The following CLRN1 variants were observed in gnomAD, a reference collection of about 807,000 sequenced individuals.
CLRN1 encodes clarin-1.
A neutral mutation model predicts 18.7 loss-of-function variants in CLRN1; 15 were observed. That is an observed-to-expected ratio of 0.80 (90% CI 0.54 to 1.23). The LOEUF is 1.23. CLRN1 is among the 50% of genes most tolerant of loss of function. CLRN1 has a pLI of 0.00. For synonymous variants in CLRN1, 104 were observed against 102.9 expected, an observed-to-expected ratio of 1.01 and a Z score of -0.07; for missense variants, 311 against 277.5, an observed-to-expected ratio of 1.12 and a Z score of -0.86.
At chr3:150,940,430 T>C in intron 2 of CLRN1, 7 of 1,489,288 alleles carry the variant, frequency 4.7e-6, no homozygotes, top group Non-Finnish European at 6.3e-6. Flanking sequence ...CGTTTGTGGT[T>C]GGGGTTGAAT....
intron 1 of CLRN1, among the ~76,000 whole-genome samples, chr3:150,951,792 A>T (rs1714495941): frequency 6.6e-6 from 1 of 152,118 alleles, no homozygotes; most frequent in Non-Finnish European, 1.5e-5. Context: ...CCAGAGTAGG[A>T]GAAAGAGAGA....
Position 150,926,772 on chromosome 3 carries a change from T to C in CLRN1, c.*1164A>G. ...CTGTGGTCAGAGGCCTAGTGATCTG[T>C]TTGCTGTCATTCTCTGCTTTTTCCT... is the stretch of plus-strand genomic sequence containing the variant. On this transcript the variant is annotated 3_prime_UTR_variant, in exon 3 of 3. Coordinates refer to ENST00000327047, the MANE Select transcript of CLRN1 (RefSeq NM_174878.3). The C allele has an allele frequency of 6.2e-7, 1 of 1,613,212 alleles. No homozygotes were observed. Among genetic ancestry groups the C allele is most frequent in the Non-Finnish European group, 8.5e-7 (1 of 1,179,588 alleles).
chr3:150,968,155 T>C (rs889709673), intron 1 of CLRN1, among the ~76,000 whole-genome samples: 1 of 152,210 alleles, frequency 6.6e-6, no homozygotes, highest in African/African-American at 2.4e-5. Context: ...TAGATCAGTA[T>C]ATCTAGGAAT....
At chr3:150,941,388 G>C (rs1713831688) in intron 2 of CLRN1, 194 bp downstream of exon 2, 1 of 583,516 alleles carries the variant, frequency 1.7e-6, no homozygotes, top group Admixed American at 3.0e-5. Flanking sequence ...TATTCATATA[G>C]ATGTCCATAA....
chr3:150,941,818 T>C (rs1713865110), intron 1 of CLRN1, 57 bp from the exon 2 acceptor site: 1 of 1,459,502 alleles, frequency 6.9e-7, no homozygotes, highest in Non-Finnish European at 9.5e-7. Flanking sequence ...AGTCTGCAAG[T>C]ATAATTTTAA....
At chr3:150,958,286 T>A (rs1714852890) in intron 1 of CLRN1, among the ~76,000 whole-genome samples, 1 of 152,258 alleles carries the variant, frequency 6.6e-6, no homozygotes, top group South Asian at 2.1e-4. Flanking sequence ...TTTTGAATAT[T>A]TTGGAAATAT....
Position 150,927,861 on chromosome 3 carries a change from TATG to T in CLRN1, c.*72_*74del. 6.5e-7 allele frequency: 1 copy of T among 1,533,724 alleles called. No individual in the cohort carries two copies. Among genetic ancestry groups the T allele is most frequent in the Non-Finnish European group, 9.0e-7 (1 of 1,108,910 alleles). ...CTTTAATATATGCAGACTAAAAGGA[TATG>T]CAAAATTAACCACATCTAAAAGTGA... is the stretch of plus-strand genomic sequence containing the variant. On this transcript the variant is annotated 3_prime_UTR_variant, in exon 3 of 3. Transcript: ENST00000327047.
chr3:150,940,543 G>A (rs1391464093), intron 2 of CLRN1: 76 of 1,532,702 alleles, frequency 5.0e-5, no homozygotes, highest in Non-Finnish European at 4.4e-5. Flanking sequence ...AGAAACAGTC[G>A]AATAGAGATT....
At chr3:150,932,011 C>T (rs1021767160) in intron 2 of CLRN1, among the ~76,000 whole-genome samples, 1 of 152,112 alleles carries the variant, frequency 6.6e-6, no homozygotes, top group South Asian at 2.1e-4. Context: ...TTCCTTTCAT[C>T]TGTCTGATTT....
At chr3:150,969,166 G>C (rs1316927677) in intron 1 of CLRN1, among the ~76,000 whole-genome samples, 2 of 149,918 alleles carry the variant, frequency 1.3e-5, no homozygotes, top group Non-Finnish European at 3.0e-5. Context: ...ATGTTAAAAT[G>C]ATAATATTTT....
intron 1 of CLRN1, among the ~76,000 whole-genome samples, 174 bp from the exon 2 acceptor site, chr3:150,941,935 A>G (rs1252532430): frequency 1.3e-5 from 2 of 152,226 alleles, no homozygotes; most frequent in African/African-American, 2.4e-5. Context: ...TAAAGATAGG[A>G]TCATTTTATA....
At position 150,928,150 on chromosome 3, in the gene CLRN1, T is replaced by C. The variant is rs1434038761; in HGVS notation, c.485A>G (p.His162Arg). ...MILFASEVKI[H>R]HLSEKIANYK... is the part of the protein sequence containing the mutation. ...ATTTGCAATTTTTTCTGAGAGGTGA[T>C]GGATTTTCACTTCAGAGGCAAACAA... is the stretch of plus-strand genomic sequence containing the variant. Residue 162 changes from histidine to arginine, a missense_variant, in exon 3 of 3, where the codon CAT becomes CGT. His to Arg is a conservative substitution (Grantham distance 29, BLOSUM62 0). Transcript: ENST00000327047. 6.2e-7 allele frequency: 1 copy of C among 1,613,790 alleles called. No individual in the cohort carries two copies. Among genetic ancestry groups the C allele is most frequent in the Non-Finnish European group, 8.5e-7 (1 of 1,179,980 alleles).
At chr3:150,930,582 C>A (rs1713082066) in intron 2 of CLRN1, among the ~76,000 whole-genome samples, 2 of 152,096 alleles carry the variant, frequency 1.3e-5, no homozygotes, top group African/African-American at 4.8e-5. Context: ...AGAGCTCTCC[C>A]CTGGCAAAAC....
intron 2 of CLRN1, among the ~76,000 whole-genome samples, chr3:150,931,667 T>G: frequency 6.6e-6 from 1 of 152,210 alleles, no homozygotes. Flanking sequence ...CTTTACTGTG[T>G]GCAGTGGAGC....
intron 2 of CLRN1, among the ~76,000 whole-genome samples, chr3:150,937,342 C>A (rs896007855): frequency 1.3e-5 from 2 of 152,122 alleles, no homozygotes; most frequent in South Asian, 2.1e-4. Flanking sequence ...ACATAATGGG[C>A]ACTCAGTCAA....
rs1714112842 is a variant in CLRN1 at position 150,945,462 on chromosome 3, T to G, written c.254-3701A>C. The G allele has an allele frequency of 2.4e-6, 3 of 1,259,528 alleles. No homozygotes were observed. The South Asian group carries it at 3.9e-5, about 16-fold the overall frequency. 78.0% of individuals were successfully genotyped at this position (1,259,528 alleles called of 1,614,324 possible). ...GCTGGAAGGGGGCCAGGAGAGAAAG[T>G]TTCATTGGGTCAGAACAAGCCCTTT... On this transcript the variant is annotated intron_variant, in intron 1 of 2. Transcript: ENST00000327047.
intron 2 of CLRN1, among the ~76,000 whole-genome samples, chr3:150,930,018 T>C (rs1260499963): frequency 2.0e-5 from 3 of 152,220 alleles, no homozygotes; most frequent in African/African-American, 7.2e-5. Flanking sequence ...TCTAGACTTA[T>C]ATGGGGGATA....
chr3:150,933,543 G>A (rs1047650797), intron 2 of CLRN1, among the ~76,000 whole-genome samples: 2 of 152,104 alleles, frequency 1.3e-5, no homozygotes, highest in African/African-American at 4.8e-5. Flanking sequence ...AAGAGGGGAG[G>A]AAGGTAAGGG....
At chr3:150,935,715 G>A (rs528865146) in intron 2 of CLRN1, among the ~76,000 whole-genome samples, 11 of 151,656 alleles carry the variant, frequency 7.3e-5, no homozygotes, top group South Asian at 2.1e-4. Context: ...CTGAGGAATC[G>A]CCACAATGAC....
Sources: gnomAD v4.1 joint callset for allele counts (sites outside exome capture counted in the v4.1 genomes callset) on GRCh38, gnomAD v4.1.1 for gene constraint, MANE v1.5 for transcripts, NCBI Gene and HGNC (gene_info 2026-07-23, HGNC 2026-07-21) for gene names.